The following LARS2 variants were observed in gnomAD, a reference collection of about 807,000 sequenced individuals.
The protein encoded by LARS2 is leucine--tRNA ligase, mitochondrial.
Under a neutral mutation model 116.6 loss-of-function variants are expected in LARS2, and 81 were observed. The ratio of observed to expected loss-of-function variants is 0.69; its 90% CI spans 0.58 to 0.84. LARS2 has a LOEUF of 0.84. Ranked by LOEUF, LARS2 falls within the 40% of genes least tolerant of loss-of-function variation. The probability of loss-of-function intolerance (pLI) is 0.00; values close to 1 mark genes in which losing one functional copy is unlikely to be tolerated. For synonymous variants in LARS2, 396 were observed against 407.2 expected, an observed-to-expected ratio of 0.97 and a Z score of 0.33; for missense variants, 968 against 1,114.5, an observed-to-expected ratio of 0.87 and a Z score of 1.87.
At chr3:45,499,598 G>A (rs1208419064) in intron 14 of LARS2, among the ~76,000 whole-genome samples, 1 of 152,098 alleles carries the variant, frequency 6.6e-6, no homozygotes, top group East Asian at 1.9e-4. Context: ...CTCCAGCGTG[G>A]GTGACCAAGC....
intron 8 of LARS2, among the ~76,000 whole-genome samples, chr3:45,473,925 A>G (rs1699569982): frequency 6.6e-6 from 1 of 152,186 alleles, no homozygotes; most frequent in South Asian, 2.1e-4. Context: ...TTCCTAGACT[A>G]TGGGAGAGAA....
intron 11 of LARS2, among the ~76,000 whole-genome samples, chr3:45,486,757 T>G (rs966931020): frequency 7.2e-5 from 11 of 152,232 alleles, no homozygotes; most frequent in African/African-American, 1.9e-4. Context: ...TTTATGCATT[T>G]TACAATTAGT....
chr3:45,488,518 A>G (rs1699854318), intron 11 of LARS2, among the ~76,000 whole-genome samples, 179 bp from the exon 12 acceptor site: 1 of 152,224 alleles, frequency 6.6e-6, no homozygotes, highest in Admixed American at 6.5e-5. Context: ...GTGTTTTGGC[A>G]GTGGGTTTCT....
chr3:45,450,367 T>C (rs1221654968), intron 7 of LARS2, among the ~76,000 whole-genome samples: 1 of 152,208 alleles, frequency 6.6e-6, no homozygotes, highest in Non-Finnish European at 1.5e-5. Context: ...TTTGTACCCA[T>C]GAACCATTGT....
intron 15 of LARS2, among the ~76,000 whole-genome samples, chr3:45,511,911 G>C (rs1700297850): frequency 6.6e-6 from 1 of 151,540 alleles, no homozygotes; most frequent in Admixed American, 6.6e-5. Context: ...AAGCAGCGGG[G>C]ACTACAGGTG....
chr3:45,500,724 T>C, intron 15 of LARS2, 145 bp downstream of exon 15: 2 of 603,570 alleles, frequency 3.3e-6, no homozygotes, highest in Non-Finnish European at 5.5e-6. Context: ...CCTTAATCAT[T>C]TGAGGTCCAT....
At chr3:45,481,630 GTCT>G (rs1699704157) in intron 10 of LARS2, among the ~76,000 whole-genome samples, 2 of 152,088 alleles carry the variant, frequency 1.3e-5, no homozygotes, top group South Asian at 4.1e-4. Flanking sequence ...CCATTTATAT[GTCT>G]TCTTTGGGGA....
chr3:45,426,240 G>T (rs1284263642), intron 6 of LARS2, among the ~76,000 whole-genome samples: 1 of 152,200 alleles, frequency 6.6e-6, no homozygotes, highest in Admixed American at 6.5e-5. Flanking sequence ...TATCTTAAAA[G>T]AATTTAAAGA....
In LARS2 at chr3:45,524,042, G is replaced by A. The variant is rs779601198; in HGVS notation, c.2338G>A (p.Ala780Thr). Residue 780 changes from alanine (A) to threonine (T), a missense_variant, in exon 20 of 22, where the codon GCT becomes ACT. Coordinates refer to ENST00000645846, the MANE Select transcript of LARS2 (RefSeq NM_015340.4). Reference sequence around the variant, plus strand: ...TCTCCACAGCCCCGAGTTTGAGGATGCTTTGTGTGCCCTGATGGTAATGGC... The same window carrying A: ...TCTCCACAGCCCCGAGTTTGAGGATACTTTGTGTGCCCTGATGGTAATGGC... Reference protein sequence around the residue: ...VILHSPEFEDALCALMVMAAP... With the variant: ...VILHSPEFEDTLCALMVMAAP... 2 of 1,614,072 alleles carry A rather than the reference G, an allele frequency of 1.2e-6. No homozygotes were observed. The highest frequency in any genetic ancestry group is 1.7e-6 in the Non-Finnish European group (2 of 1,179,984).
chr3:45,523,847 G>A, intron 19 of LARS2, 150 bp from the exon 20 acceptor site: 1 of 594,898 alleles, frequency 1.7e-6, no homozygotes, highest in Non-Finnish European at 3.0e-6. Flanking sequence ...CATTAAGTAG[G>A]GGAAGTTCAT....
intron 2 of LARS2, 41 bp from the exon 3 acceptor site, chr3:45,394,392 T>A (rs1698008265): frequency 8.5e-7 from 1 of 1,173,152 alleles, no homozygotes; most frequent in Admixed American, 1.8e-5. Context: ...CTGGGGAGGG[T>A]TTGAGGCAGC....
chr3:45,542,922 A>C (rs187084323), intron 21 of LARS2, among the ~76,000 whole-genome samples: 2 of 152,374 alleles, frequency 1.3e-5, no homozygotes, highest in Non-Finnish European at 2.9e-5. Flanking sequence ...AATGGCTGCA[A>C]ATTGTGAAAA....
At chr3:45,421,725 A>G (rs1698515721) in intron 6 of LARS2, 1 of 152,248 alleles carries the variant, frequency 6.6e-6, no homozygotes, top group South Asian at 2.1e-4. Flanking sequence ...GGGTTATCCT[A>G]AATTGAATAA....
At chr3:45,464,623 C>G (rs985433773) in intron 8 of LARS2, among the ~76,000 whole-genome samples, 4 of 152,164 alleles carry the variant, frequency 2.6e-5, no homozygotes, top group Admixed American at 2.0e-4. Context: ...TAACTTGACC[C>G]TACTCTGCCC....
chr3:45,510,647 C>T (rs546234119), intron 15 of LARS2, among the ~76,000 whole-genome samples: 2 of 152,216 alleles, frequency 1.3e-5, no homozygotes, highest in East Asian at 1.9e-4. Flanking sequence ...TGGGAAATGG[C>T]GTGAGTAAAG....
chr3:45,524,138 T>C (rs1316950433), intron 20 of LARS2, 30 bp downstream of exon 20: 1 of 1,381,738 alleles, frequency 7.2e-7, no homozygotes, highest in South Asian at 1.2e-5. Flanking sequence ...TTTGACCAGT[T>C]ACTACTAACT....
chr3:45,405,252 C>T (rs1391225170), intron 4 of LARS2, among the ~76,000 whole-genome samples: 1 of 152,188 alleles, frequency 6.6e-6, no homozygotes, highest in Non-Finnish European at 1.5e-5. Flanking sequence ...CCACACCCAA[C>T]CATCATGTCA....
intron 6 of LARS2, among the ~76,000 whole-genome samples, chr3:45,433,276 T>G (rs571273733): frequency 6.6e-6 from 1 of 152,236 alleles, no homozygotes; most frequent in African/African-American, 2.4e-5. Context: ...TATTAAGACT[T>G]AAGTCTAGCA....
chr3:45,484,830 T>C (rs923870518), intron 10 of LARS2, among the ~76,000 whole-genome samples: 17 of 150,444 alleles, frequency 1.1e-4, no homozygotes, highest in African/African-American at 4.2e-4. Flanking sequence ...TTTCCTAGAG[T>C]TCATAATGTC....
Sources: gnomAD v4.1 joint callset for allele counts (sites outside exome capture counted in the v4.1 genomes callset) on GRCh38, gnomAD v4.1.1 for gene constraint, MANE v1.5 for transcripts, NCBI Gene and HGNC (gene_info 2026-07-23, HGNC 2026-07-21) for gene names.